Variants in CAPN13 observed in about 807,000 individuals in gnomAD.
CAPN13 encodes calpain-13.
Under a neutral mutation model 98.4 loss-of-function variants are expected in CAPN13, and 90 were observed. The observed-to-expected ratio is 0.92, with a 90% CI of 0.77 to 1.09. The LOEUF is 1.09. Ranked by LOEUF, CAPN13 falls within the 50% of genes least tolerant of loss-of-function variation. CAPN13 has a pLI of 0.00. For synonymous variants in CAPN13, 330 were observed against 305.5 expected, an observed-to-expected ratio of 1.08 and a Z score of -0.84; for missense variants, 887 against 841.3, an observed-to-expected ratio of 1.05 and a Z score of -0.67.
rs1386631254 is a variant in CAPN13, at chr2:30,732,567, C to G, written c.1799-1G>C. The G allele has an allele frequency of 6.2e-6, 10 of 1,606,826 alleles. No homozygotes were observed. The highest frequency in any genetic ancestry group is 8.5e-6 in the Non-Finnish European group (10 of 1,177,434). The stretch of plus-strand genomic sequence containing the variant: ...CTGATGAAGATCCCTCTGAGGAAGT[C>G]TGGGGCCACAGGTGAACGAGTGAGT... On this transcript the variant is annotated splice_acceptor_variant, in intron 19 of 22. Transcript: ENST00000295055. LOFTEE classifies it high-confidence loss of function.
At chr2:30,773,089 G>T (rs1337796617) in intron 4 of CAPN13, among the ~76,000 whole-genome samples, 1 of 152,234 alleles carries the variant, frequency 6.6e-6, no homozygotes, top group Non-Finnish European at 1.5e-5. Context: ...CTCCCAAAGT[G>T]CTGGGATTAC....
intron 19 of CAPN13, 146 bp downstream of exon 19, chr2:30,734,303 C>G (rs926765617): frequency 3.1e-6 from 2 of 642,342 alleles, no homozygotes; most frequent in African/African-American, 3.7e-5. Flanking sequence ...CCCCCAGGGT[C>G]AGTGTGAACT....
rs2148048496 is a variant in CAPN13, at chr2:30,775,533, G to T, written c.387+397C>A. Among the ~76,000 whole-genome samples, 3 of 152,070 alleles carry T rather than the reference G, an allele frequency of 2.0e-5. No homozygotes were observed. In the Middle Eastern group the frequency reaches 0.01, roughly 517 times the overall value. ...AGAATAAATGTGCAAGAATTACCAA[G>T]ATATTTTTGAGAAAATGGTAATGAA... On this transcript the variant is annotated intron_variant, in intron 4 of 22. Coordinates refer to ENST00000295055, the MANE Select transcript of CAPN13 (RefSeq NM_144575.3).
intron 17 of CAPN13, chr2:30,737,998 CACACACA>C (rs1671460832): frequency 1.1e-5 from 6 of 562,930 alleles, no homozygotes; most frequent in Admixed American, 2.9e-5. Context: ...CACACACACA[CACACACA>C]CCCCAGTACA....
intron 5 of CAPN13, among the ~76,000 whole-genome samples, chr2:30,768,225 C>G (rs547635380): frequency 6.8e-4 from 104 of 152,256 alleles, no homozygotes; most frequent in African/African-American, 2.4e-3. Context: ...GGGTCCTGAC[C>G]CAGGCTTGAC....
chr2:30,803,842 T>A (rs1346460006), intron 1 of CAPN13, among the ~76,000 whole-genome samples: 1 of 152,192 alleles, frequency 6.6e-6, no homozygotes. Context: ...TATCATGGAT[T>A]ACAAGAGGCT....
chr2:30,794,744 T>C (rs1674772921), intron 1 of CAPN13, among the ~76,000 whole-genome samples: 1 of 151,804 alleles, frequency 6.6e-6, no homozygotes, highest in Non-Finnish European at 1.5e-5. Context: ...CATGAATAAA[T>C]CTCTAAAATC....
chr2:30,756,445 C>A (rs1213340903), intron 8 of CAPN13, among the ~76,000 whole-genome samples: 1 of 152,224 alleles, frequency 6.6e-6, no homozygotes. Context: ...GGAAGCTTCT[C>A]TTCCCCAAAT....
intron 9 of CAPN13, 72 bp from the exon 10 acceptor site, chr2:30,753,270 A>C (rs1347866316): frequency 6.6e-7 from 1 of 1,504,238 alleles, no homozygotes; most frequent in Non-Finnish European, 9.2e-7. Context: ...CTATGACTTC[A>C]CAGCATAGCC....
intron 1 of CAPN13, among the ~76,000 whole-genome samples, chr2:30,802,886 G>A (rs753533692): frequency 1.2e-4 from 19 of 152,300 alleles, no homozygotes; most frequent in East Asian, 3.9e-4. Context: ...GAATCCCCAC[G>A]CCCACCTAGG....
At chr2:30,740,068 A>G (rs72783017) in intron 15 of CAPN13, among the ~76,000 whole-genome samples, 8,162 of 148,886 alleles carry the variant, frequency 0.055, 350 homozygotes, top group East Asian at 0.17. Context: ...GGTAGTATCA[A>G]GTCATTGTAT....
intron 8 of CAPN13, among the ~76,000 whole-genome samples, chr2:30,757,055 T>C (rs1672488475): frequency 6.6e-6 from 1 of 152,214 alleles, no homozygotes; most frequent in Non-Finnish European, 1.5e-5. Context: ...CCGTCCTCAC[T>C]GTATTGATTT....
chr2:30,743,135 C>T, intron 13 of CAPN13: 1 of 523,256 alleles, frequency 1.9e-6, no homozygotes, highest in Non-Finnish European at 3.4e-6. Flanking sequence ...CCTCTTGCCA[C>T]TCAGTCCTCC....
At chr2:30,785,002 C>T (rs1674193238) in intron 2 of CAPN13, among the ~76,000 whole-genome samples, 1 of 152,138 alleles carries the variant, frequency 6.6e-6, no homozygotes, top group South Asian at 2.1e-4. Context: ...ATCACAGTGT[C>T]GAAGGGGTGA....
At chr2:30,799,902 T>C (rs190165531) in intron 1 of CAPN13, among the ~76,000 whole-genome samples, 2,479 of 151,874 alleles carry the variant, frequency 0.016, 71 homozygotes, top group African/African-American at 0.057. Flanking sequence ...TGAAACCCCG[T>C]CTCTACTAAA....
At chr2:30,730,933 G>A (rs1456280631) in intron 21 of CAPN13, 147 bp from the exon 22 acceptor site, 5 of 664,302 alleles carry the variant, frequency 7.5e-6, no homozygotes, top group Non-Finnish European at 1.4e-5. Flanking sequence ...AGGGTACGGG[G>A]CGGGGTTGTC....
At chr2:30,757,990 C>A in intron 8 of CAPN13, 56 bp downstream of exon 8, 1 of 1,364,362 alleles carries the variant, frequency 7.3e-7, no homozygotes, top group Non-Finnish European at 1.0e-6. Flanking sequence ...GGGCAGGAGG[C>A]TCTACCGACA....
chr2:30,750,953 C>T lies in CAPN13; in HGVS notation c.1236+150G>A, dbSNP rs894051808. 7 of 867,230 alleles carry T rather than the reference C, an allele frequency of 8.1e-6. No homozygotes were observed. The African/African-American group carries it at 1.0e-4, about 13-fold the overall frequency. 53.7% of individuals were successfully genotyped at this position (867,230 alleles called of 1,614,324 possible). ...GCCTCAGATTTTTTGCACATTTAGA[C>T]TTGGACTGCATGAATGCTACAGCCT... is the stretch of plus-strand genomic sequence containing the variant. On this transcript the variant is annotated intron_variant, in intron 11 of 22. Transcript: ENST00000295055.
intron 1 of CAPN13, among the ~76,000 whole-genome samples, chr2:30,790,572 C>T (rs34740138): frequency 0.035 from 5,320 of 152,278 alleles, 123 homozygotes; most frequent in Non-Finnish European, 0.054. Context: ...TTTAGCTCCC[C>T]TTGGTGTCTA....
Sources: allele counts gnomAD v4.1 joint callset (sites outside exome capture counted in the v4.1 genomes callset), GRCh38; gene constraint gnomAD v4.1.1; transcripts MANE v1.5; gene names NCBI Gene and HGNC (gene_info 2026-07-23, HGNC 2026-07-21).